TRIP12: variants seen among roughly 807,000 people sequenced by gnomAD.
The protein encoded by TRIP12 is E3 ubiquitin-protein ligase TRIP12.
Under a neutral mutation model 244.2 loss-of-function variants are expected in TRIP12, and 25 were observed. That is an observed-to-expected ratio of 0.10 (90% CI 0.07 to 0.14). The LOEUF is 0.14. TRIP12 is among the 10% of genes least tolerant of loss of function. The probability of loss-of-function intolerance (pLI) is 1.00; values close to 1 mark genes in which losing one functional copy is unlikely to be tolerated. For missense variants in TRIP12, 1,677 were observed against 2,486.4 expected, an observed-to-expected ratio of 0.67 and a Z score of 6.92; for synonymous variants, 905 against 873.1, an observed-to-expected ratio of 1.04 and a Z score of -0.64.
chr2:229,817,714 C>A (rs1296710817), intron 9 of TRIP12, among the ~76,000 whole-genome samples: 1 of 152,100 alleles, frequency 6.6e-6, no homozygotes, highest in African/African-American at 2.4e-5. Context: ...CTGCCTCAGC[C>A]TCCTGAGTAG....
chr2:229,834,630 G>C (rs2154302487), intron 6 of TRIP12, among the ~76,000 whole-genome samples: 1 of 152,174 alleles, frequency 6.6e-6, no homozygotes. Flanking sequence ...TGTGGTGTCA[G>C]GCACTTGTAG....
chr2:229,803,396 G>A (rs984564279), intron 20 of TRIP12, among the ~76,000 whole-genome samples, 175 bp downstream of exon 20: 1 of 152,218 alleles, frequency 6.6e-6, no homozygotes, highest in African/African-American at 2.4e-5. Flanking sequence ...TTACAGGCGT[G>A]AGCCACCACG....
intron 31 of TRIP12, 25 bp downstream of exon 31, chr2:229,789,586 T>G (rs767932055): frequency 6.2e-7 from 1 of 1,604,130 alleles, no homozygotes. Flanking sequence ...CCATGAAAAC[T>G]TCATAAATAG....
rs1317732828 is a variant in TRIP12 at position 229,804,037 on chromosome 2, T to G, written c.2841A>C (p.Glu947Asp). ...ILRIIYFADA[E>D]LLKDVLKNHA... is the part of the protein sequence containing the mutation. ...GATTTTTCAGAACATCCTTCAGAAGTTCAGCATCCGCAAAATAAATTATCC... is the reference window on the plus strand; with the variant it reads ...GATTTTTCAGAACATCCTTCAGAAGGTCAGCATCCGCAAAATAAATTATCC... The change falls in exon 19 of 42, where the codon GAA becomes GAC. Residue 947 changes from glutamate (E) to aspartate (D), a missense_variant. Glu to Asp is a conservative substitution (Grantham distance 45, BLOSUM62 2). Around this residue, in one of 11 missense-constraint regions of TRIP12, gnomAD observed 572 missense variants for 867.8 expected, o/e 0.66. Transcript: ENST00000675903. 1.2e-6 allele frequency: 2 copies of G among 1,614,022 alleles called. No homozygotes were observed. The highest frequency in any genetic ancestry group is 2.2e-5 in the East Asian group (1 of 44,866).
At chr2:229,788,772 C>T in intron 32 of TRIP12, 26 bp downstream of exon 32, 1 of 1,601,924 alleles carries the variant, frequency 6.2e-7, no homozygotes, top group Non-Finnish European at 8.5e-7. Context: ...TTTCCAAGGC[C>T]ACCATTACAG....
intron 34 of TRIP12, among the ~76,000 whole-genome samples, chr2:229,784,802 C>T (rs533895760): frequency 6.6e-6 from 1 of 152,286 alleles, no homozygotes; most frequent in Non-Finnish European, 1.5e-5. Flanking sequence ...CAATTGAACT[C>T]GCATATATAC....
chr2:229,838,376 G>C (rs765133539), intron 5 of TRIP12, among the ~76,000 whole-genome samples: 19 of 152,086 alleles, frequency 1.2e-4, no homozygotes, highest in Non-Finnish European at 2.1e-4. Flanking sequence ...AGAGAAACAA[G>C]GACACCCTTA....
intron 38 of TRIP12, among the ~76,000 whole-genome samples, chr2:229,773,311 T>A (rs1160505784): frequency 2.0e-5 from 3 of 152,026 alleles, no homozygotes; most frequent in Non-Finnish European, 2.9e-5. Context: ...CCTGATCTTG[T>A]GATCTGCCTA....
rs770394658 is a variant in TRIP12, at chr2:229,792,054, G to A, written c.4227C>T (p.Phe1409=). The A allele has an allele frequency of 1.9e-6, 3 of 1,613,896 alleles. No homozygotes were observed. The highest frequency in any genetic ancestry group is 1.3e-5 in the African/African-American group (1 of 74,890). The change falls in exon 29 of 42, where the codon TTC becomes TTT. Residue 1409 remains phenylalanine, a synonymous_variant. Coordinates refer to ENST00000675903, the MANE Select transcript of TRIP12 (RefSeq NM_001348323.3). ...EEIDESLAAQ[F]LNSGNVRHRL... ...TGTGTCTTACATTTCCTGAATTTAG[G>A]AACTGAGCAGCCTGAATAAAGCAAA...
rs1381652808 is a variant in TRIP12, at chr2:229,778,787, C to T, written c.5209+89G>A. The stretch of plus-strand genomic sequence containing the variant: ...CTAAAAGAAAGCAAGTACAGCTGTC[C>T]ATTAGAAATTAAATATGTCTAATAA... On this transcript the variant is annotated intron_variant, in intron 35 of 41. Transcript: ENST00000675903. This position sits in a 1 kb window ranked among gnomAD's most constrained non-coding sequence, Gnocchi z 4.1. The T allele has an allele frequency of 1.5e-6, 2 of 1,373,746 alleles. No individual in the cohort carries two copies. Among genetic ancestry groups the T allele is most frequent in the Non-Finnish European group, 2.0e-6 (2 of 980,214 alleles). The allele number at this position is 1,373,746 out of a possible 1,614,324, so 85.1% of individuals were successfully genotyped here.
At chr2:229,867,434 G>A (rs2061758356) in intron 2 of TRIP12, among the ~76,000 whole-genome samples, 1 of 151,906 alleles carries the variant, frequency 6.6e-6, no homozygotes, top group Admixed American at 6.6e-5. Flanking sequence ...CCAAGTTGTG[G>A]GATTACAGGT....
At chr2:229,831,302 G>A (rs1207767922) in intron 6 of TRIP12, among the ~76,000 whole-genome samples, 1 of 152,178 alleles carries the variant, frequency 6.6e-6, no homozygotes, top group Non-Finnish European at 1.5e-5. Context: ...CCGGACTACA[G>A]TCTTGATACA....
intron 1 of TRIP12, among the ~76,000 whole-genome samples, chr2:229,893,555 T>G (rs1353767840): frequency 6.6e-6 from 1 of 152,182 alleles, no homozygotes; most frequent in Non-Finnish European, 1.5e-5. Flanking sequence ...AAACATAGTA[T>G]GTACTCCTTT....
chr2:229,767,907 C>CA (rs2032367720), intron 41 of TRIP12, among the ~76,000 whole-genome samples, 157 bp from the exon 42 acceptor site: 1 of 152,198 alleles, frequency 6.6e-6, no homozygotes, highest in Non-Finnish European at 1.5e-5. Context: ...AAGGAACCTG[C>CA]TTTAATTTAT....
chr2:229,904,693 ATACTT>A (rs754203736), intron 1 of TRIP12, among the ~76,000 whole-genome samples: 2 of 152,184 alleles, frequency 1.3e-5, no homozygotes, highest in Non-Finnish European at 2.9e-5. Context: ...CAATTGCTCT[ATACTT>A]TATAATCAGA....
intron 34 of TRIP12, among the ~76,000 whole-genome samples, chr2:229,785,319 G>T (rs1318931988): frequency 6.6e-6 from 1 of 152,186 alleles, no homozygotes; most frequent in African/African-American, 2.4e-5. Flanking sequence ...TTTGCAAAGT[G>T]AAATGGGGGC....
chr2:229,770,051 G>A (rs545800929), intron 39 of TRIP12, among the ~76,000 whole-genome samples: 86 of 152,208 alleles, frequency 5.7e-4, no homozygotes, highest in Non-Finnish European at 9.6e-4. Flanking sequence ...GCTCACTCCC[G>A]TCATGATCTC....
chr2:229,799,531 C>CT (rs2043687806), intron 21 of TRIP12, 148 bp from the exon 22 acceptor site: 2 of 666,510 alleles, frequency 3.0e-6, no homozygotes, highest in East Asian at 5.7e-5. Context: ...AATCCCAGCA[C>CT]TTTGGGAGGC....
chr2:229,831,887 GT>G (rs35424089), intron 6 of TRIP12, among the ~76,000 whole-genome samples: 1,377 of 136,726 alleles, frequency 0.01, 15 homozygotes, highest in African/African-American at 0.033. Context: ...TGTTTTTTGG[GT>G]TTTTTTTTTT....
Sources: gnomAD v4.1 joint callset for allele counts (sites outside exome capture counted in the v4.1 genomes callset) on GRCh38, gnomAD v4.1.1 for gene constraint, gnomAD v4.1.1 regional missense constraint, Gnocchi (gnomAD v3.1) non-coding constraint, MANE v1.5 for transcripts, NCBI Gene and HGNC (gene_info 2026-07-23, HGNC 2026-07-21) for gene names.